The following PTGR1 variants were observed in gnomAD, a reference collection of about 807,000 sequenced individuals.
PTGR1 encodes 15-oxoprostaglandin 13-reductase.
A neutral mutation model predicts 37.7 loss-of-function variants in PTGR1; 23 were observed. That is an observed-to-expected ratio of 0.61 (90% confidence interval 0.44 to 0.86). The LOEUF (loss-of-function observed/expected upper bound fraction) is 0.86. Ranked by LOEUF, PTGR1 falls within the 40% of genes least tolerant of loss-of-function variation. PTGR1 has a pLI of 0.00. For synonymous variants in PTGR1, 134 were observed against 140.0 expected (o/e 0.96, Z 0.30); for missense variants, 351 against 394.3 (o/e 0.89, Z 0.93).
intron 8 of PTGR1, among the ~76,000 whole-genome samples, chr9:111,573,274 T>C (rs1828909063): frequency 6.6e-6 from 1 of 151,370 alleles, no homozygotes. Flanking sequence ...AGTTAGAAAA[T>C]TATAGGGGGA....
intron 6 of PTGR1, 54 bp from the exon 7 acceptor site, chr9:111,579,005 C>A: frequency 2.0e-6 from 3 of 1,509,214 alleles, no homozygotes; most frequent in South Asian, 1.3e-5. Flanking sequence ...AAGCATGGAC[C>A]AACACTACTT....
downstream of PTGR1, among the ~76,000 whole-genome samples, chr9:111,560,972 TATAGAGAG>T (rs1162563286): frequency 3.8e-4 from 8 of 21,320 alleles, no homozygotes; most frequent in African/African-American, 1.2e-3. Flanking sequence ...TATATATATA[TATAGAGAG>T]AGAGAGAGAG....
At chr9:111,587,895 C>A (rs1008385203) in intron 4 of PTGR1, among the ~76,000 whole-genome samples, 1 of 151,980 alleles carries the variant, frequency 6.6e-6, no homozygotes, top group Non-Finnish European at 1.5e-5. Flanking sequence ...TTTAATTACA[C>A]CCCCATTATT....
At chr9:111,576,491 A>G (rs769886588) in intron 7 of PTGR1, 25 of 1,594,262 alleles carry the variant, frequency 1.6e-5, no homozygotes, top group Non-Finnish European at 2.1e-5. Context: ...GCAGTTCAAG[A>G]GGCTCTGGTT....
chr9:111,564,875 G>C (rs1481508092), intron 9 of PTGR1, among the ~76,000 whole-genome samples: 1 of 152,036 alleles, frequency 6.6e-6, no homozygotes, highest in African/African-American at 2.4e-5. Context: ...TGTAATCCCA[G>C]CACTTTGGGA....
At chr9:111,560,512 G>A (rs904337985), downstream of PTGR1, among the ~76,000 whole-genome samples, 2 of 149,550 alleles carry the variant, frequency 1.3e-5, no homozygotes, top group East Asian at 4.0e-4. Flanking sequence ...ATGGTGGCAG[G>A]CGCCTGTAAT....
At chr9:111,585,903 C>T in intron 5 of PTGR1, 95 bp downstream of exon 5, 1 of 1,435,192 alleles carries the variant, frequency 7.0e-7, no homozygotes, top group South Asian at 1.3e-5. Flanking sequence ...TATCATGCAT[C>T]AAATATCTTC....
chr9:111,589,317 G>GT, intron 4 of PTGR1: 4 of 773,460 alleles, frequency 5.2e-6, no homozygotes, highest in Non-Finnish European at 6.3e-6. Flanking sequence ...AAATAAATCT[G>GT]TAAGGTCACT....
downstream of PTGR1, among the ~76,000 whole-genome samples, chr9:111,560,174 A>G (rs760536789): frequency 5.9e-5 from 9 of 151,272 alleles, no homozygotes; most frequent in Non-Finnish European, 1.0e-4. Context: ...GGCAATACCC[A>G]TCACTACTAA....
downstream of PTGR1, among the ~76,000 whole-genome samples, chr9:111,561,110 T>TATATAGAG (rs1457364862): frequency 3.6e-4 from 7 of 19,188 alleles, no homozygotes; most frequent in South Asian, 2.2e-3. Context: ...TATATATATA[T>TATATAGAG]AGAGAGAGAG....
chr9:111,594,871 T>C (rs1413327837), intron 2 of PTGR1, among the ~76,000 whole-genome samples: 1 of 147,910 alleles, frequency 6.8e-6, no homozygotes, highest in East Asian at 2.0e-4. Flanking sequence ...TTTTTTTTTT[T>C]TGAGACCTAG....
chr9:111,589,348 T>C (rs1432247991), intron 4 of PTGR1: 16 of 882,642 alleles, frequency 1.8e-5, no homozygotes, highest in Admixed American at 6.2e-5. Context: ...TAAAGATCCA[T>C]AGACGATTTC....
chr9:111,577,939 GA>G (rs1286654470), intron 7 of PTGR1: 7 of 152,134 alleles, frequency 4.6e-5, no homozygotes, highest in African/African-American at 1.7e-4. Flanking sequence ...AGTCATAAGA[GA>G]CCACTTTTAG....
chr9:111,557,069 G>C (rs985421156), intron 9 of PTGR1, among the ~76,000 whole-genome samples: 7 of 152,184 alleles, frequency 4.6e-5, no homozygotes, highest in African/African-American at 1.7e-4. Context: ...AAATGCCCTG[G>C]AAGCATTTTC....
intron 2 of PTGR1, among the ~76,000 whole-genome samples, chr9:111,595,493 T>C (rs541260293): frequency 1.3e-5 from 2 of 152,342 alleles, no homozygotes; most frequent in African/African-American, 2.4e-5. Context: ...GTGACTCTCA[T>C]GTATTCATTC....
At chr9:111,580,394 T>C (rs548599788) in intron 6 of PTGR1, among the ~76,000 whole-genome samples, 1 of 152,302 alleles carries the variant, frequency 6.6e-6, no homozygotes, top group East Asian at 1.9e-4. Context: ...AGGAGAAGCT[T>C]TCCTTTGTCT....
At chr9:111,564,494 C>T (rs888601790) in intron 9 of PTGR1, among the ~76,000 whole-genome samples, 44 of 151,554 alleles carry the variant, frequency 2.9e-4, no homozygotes, top group South Asian at 1.0e-3. Flanking sequence ...TTTGTAGAGA[C>T]GGGGTCTTGC....
chr9:111,551,796 T>G (rs1342719072), intron 9 of PTGR1, among the ~76,000 whole-genome samples: 1 of 152,206 alleles, frequency 6.6e-6, no homozygotes, highest in African/African-American at 2.4e-5. Context: ...TTTCAAAACT[T>G]TTTAAGTAAA....
chr9:111,576,410 A>T lies in PTGR1; in HGVS notation c.652-1568T>A, dbSNP rs759364062. The T allele has an allele frequency of 2.5e-6, 4 of 1,614,054 alleles. No individual in the cohort carries two copies. The African/African-American group carries it at 5.3e-5, about 22-fold the overall frequency. ...AAGATGCAGATGTTCTCTGAGGCTG[A>T]ATAAGACCATGCTCTGCCTTCTTGT... On this transcript the variant is annotated intron_variant, in intron 7 of 9. Coordinates refer to ENST00000407693, the MANE Select transcript of PTGR1 (RefSeq NM_001146108.2).
Sources: allele counts gnomAD v4.1 joint callset (sites outside exome capture counted in the v4.1 genomes callset), GRCh38; gene constraint gnomAD v4.1.1; transcripts MANE v1.5; gene names NCBI Gene and HGNC (gene_info 2026-07-23, HGNC 2026-07-21).